TP63: variants seen among roughly 807,000 people sequenced by gnomAD.
TP63 encodes tumor protein 63.
Under a neutral mutation model 82.8 loss-of-function variants are expected in TP63, and 17 were observed. The ratio of observed to expected loss-of-function variants is 0.21; its 90% confidence interval spans 0.14 to 0.31. The LOEUF (loss-of-function observed/expected upper bound fraction) is 0.31, where lower values mean the gene tolerates loss of function less well. TP63 is among the 10% of genes least tolerant of loss of function. The pLI is 1.00. For missense variants in TP63, 648 were observed against 895.3 expected (o/e 0.72, Z 3.52); for synonymous variants, 330 against 321.7 (o/e 1.03, Z -0.28).
At chr3:189,720,224 T>C (rs752819690) in intron 1 of TP63, among the ~76,000 whole-genome samples, 21 of 152,160 alleles carry the variant, frequency 1.4e-4, no homozygotes, top group Non-Finnish European at 2.8e-4. Flanking sequence ...CATTCTCAGA[T>C]ACAGAAATCA....
intron 10 of TP63, among the ~76,000 whole-genome samples, chr3:189,875,424 G>A (rs1266071381): frequency 6.6e-6 from 1 of 150,494 alleles, no homozygotes; most frequent in Non-Finnish European, 1.5e-5. Context: ...AAATTAGCTG[G>A]GCAAGGTGGC....
chr3:189,671,391 A>C (rs1714878998), intron 1 of TP63, among the ~76,000 whole-genome samples: 2 of 152,126 alleles, frequency 1.3e-5, no homozygotes, highest in African/African-American at 4.8e-5. Context: ...GAAATCACAA[A>C]TGCTGGTGAG....
At chr3:189,773,957 C>G (rs1204736214) in intron 3 of TP63, among the ~76,000 whole-genome samples, 1 of 117,408 alleles carries the variant, frequency 8.5e-6, no homozygotes, top group Non-Finnish European at 1.6e-5. Flanking sequence ...GAGTCTCGCT[C>G]TGTCACCCAG....
chr3:189,628,896 C>T (rs563798807), upstream of TP63, among the ~76,000 whole-genome samples: 4 of 152,202 alleles, frequency 2.6e-5, no homozygotes, highest in Admixed American at 6.5e-5. Flanking sequence ...GGTCAACTCT[C>T]GCCATTTATT....
At chr3:189,657,191 A>G (rs1283458832) in intron 1 of TP63, among the ~76,000 whole-genome samples, 2 of 152,050 alleles carry the variant, frequency 1.3e-5, no homozygotes, top group Admixed American at 1.3e-4. Context: ...TAAAGGGAAA[A>G]ATATTTAATA....
chr3:189,748,825 T>TA (rs1327659553), intron 3 of TP63, among the ~76,000 whole-genome samples: 1 of 152,088 alleles, frequency 6.6e-6, no homozygotes, highest in East Asian at 1.9e-4. Flanking sequence ...GATATTGGTA[T>TA]AAAAACAGAT....
At position 189,648,195 on chromosome 3, in the gene TP63, G is replaced by A. The variant is rs907332699; in HGVS notation, c.62+16618G>A. On this transcript the variant is annotated intron_variant, in intron 1 of 13. Coordinates refer to ENST00000264731, the MANE Select transcript of TP63 (RefSeq NM_003722.5). ...AGTCTTTAAATGGTAGTGTGTGTTC[G>A]AATGCCATGGCCCCATATTTATTGC... is the stretch of plus-strand genomic sequence containing the variant. Among the ~76,000 whole-genome samples the A allele has an allele frequency of 5.4e-5, 8 of 146,890 alleles. 1 individual carries two copies. Among genetic ancestry groups the A allele is most frequent in the Non-Finnish European group, 1.2e-4 (8 of 67,286 alleles).
intron 1 of TP63, among the ~76,000 whole-genome samples, chr3:189,693,995 T>C (rs1717149507): frequency 6.6e-6 from 1 of 152,196 alleles, no homozygotes; most frequent in Non-Finnish European, 1.5e-5. Flanking sequence ...AAGATGTACA[T>C]GAAATTATCT....
chr3:189,653,672 T>C (rs953310440), intron 1 of TP63, among the ~76,000 whole-genome samples: 7 of 152,220 alleles, frequency 4.6e-5, no homozygotes, highest in African/African-American at 1.7e-4. Context: ...ATTTTCCTCA[T>C]GTGTCAGTTG....
At chr3:189,737,272 A>T (rs186445098) in intron 1 of TP63, among the ~76,000 whole-genome samples, 4,311 of 152,204 alleles carry the variant, frequency 0.028, 72 homozygotes, top group Admixed American at 0.052. Context: ...CTGAGGAAAA[A>T]ATTTAAATTT....
chr3:189,745,001 C>T (rs760677161), intron 3 of TP63, among the ~76,000 whole-genome samples: 7 of 152,296 alleles, frequency 4.6e-5, no homozygotes, highest in Admixed American at 2.0e-4. Context: ...TCATAGACAC[C>T]GCTGATGCTG....
chr3:189,868,463 G>C, intron 7 of TP63, 117 bp from the exon 8 acceptor site: 1 of 1,485,272 alleles, frequency 6.7e-7, no homozygotes, highest in Non-Finnish European at 9.2e-7. Context: ...AGCCGCCATG[G>C]CTAAGCTGGT....
At chr3:189,875,616 A>ATACATATATATATATATATATACG in intron 10 of TP63, among the ~76,000 whole-genome samples, 1 of 108,700 alleles carries the variant, frequency 9.2e-6, no homozygotes. Flanking sequence ...ATATATATAT[A>ATACATATATATATATATATATACG]TATATATATA....
At chr3:189,734,051 TC>T (rs1248972290) in intron 1 of TP63, among the ~76,000 whole-genome samples, 1 of 151,854 alleles carries the variant, frequency 6.6e-6, no homozygotes, top group Non-Finnish European at 1.5e-5. Context: ...TTTTTCTTTC[TC>T]TCTTTCTTTT....
At chr3:189,884,883 T>C (rs915314220) in intron 10 of TP63, among the ~76,000 whole-genome samples, 1 of 152,232 alleles carries the variant, frequency 6.6e-6, no homozygotes, top group African/African-American at 2.4e-5. Context: ...CTTATTTTCA[T>C]GTAATTATGG....
chr3:189,701,712 G>A (rs1717823311), intron 1 of TP63, among the ~76,000 whole-genome samples: 1 of 151,810 alleles, frequency 6.6e-6, no homozygotes, highest in South Asian at 2.1e-4. Flanking sequence ...AGAGTTAAAT[G>A]TTCTGATAAG....
At chr3:189,640,656 A>G (rs531496600) in intron 1 of TP63, among the ~76,000 whole-genome samples, 120 of 152,174 alleles carry the variant, frequency 7.9e-4, no homozygotes, top group Non-Finnish European at 1.5e-3. Flanking sequence ...TAAAATGTAC[A>G]TACAATTTTA....
rs370878597 is a variant in TP63, at chr3:189,752,253, G to A, written c.324+13479G>A. On this transcript the variant is annotated intron_variant, in intron 3 of 13. Transcript: ENST00000264731. ...CAGTGGCATGATCTTGGCTCACTGC[G>A]GCCTCAACCTCCTAGGCTCACCTGA... Among the ~76,000 whole-genome samples, 22 of 152,000 alleles carry A rather than the reference G, an allele frequency of 1.4e-4. 1 individual carries two copies. The South Asian group carries it at 2.9e-3, about 20-fold the overall frequency.
intron 1 of TP63, among the ~76,000 whole-genome samples, chr3:189,733,029 A>G (rs1396814114): frequency 6.6e-6 from 1 of 152,166 alleles, no homozygotes; most frequent in Non-Finnish European, 1.5e-5. Flanking sequence ...CCTGGTCTCC[A>G]TGCTGTCACG....
Sources: allele counts gnomAD v4.1 joint callset (sites outside exome capture counted in the v4.1 genomes callset), GRCh38; gene constraint gnomAD v4.1.1; transcripts MANE v1.5; gene names NCBI Gene and HGNC (gene_info 2026-07-23, HGNC 2026-07-21).